Variants in RIMS2 observed in about 807,000 individuals in gnomAD.
RIMS2 encodes regulating synaptic membrane exocytosis protein 2.
A neutral mutation model predicts 174.4 loss-of-function variants in RIMS2; 59 were observed. The observed-to-expected ratio is 0.34, with a 90% CI of 0.27 to 0.42. The LOEUF is 0.42. Among genes scored for constraint, RIMS2 ranks in the 10% least tolerant of loss-of-function variants. RIMS2 has a pLI of 1.00. For missense variants in RIMS2, 1,620 were observed against 1,666.3 expected, an observed-to-expected ratio of 0.97 and a Z score of 0.48; for synonymous variants, 606 against 572.5, an observed-to-expected ratio of 1.06 and a Z score of -0.84.
chr8:103,849,652 G>A (rs950341690), intron 3 of RIMS2, among the ~76,000 whole-genome samples: 3 of 152,016 alleles, frequency 2.0e-5, no homozygotes, highest in Non-Finnish European at 4.4e-5. Context: ...CTTTCCAGTG[G>A]AGGTGACTTC....
chr8:103,856,285 C>T (rs1447874313), intron 3 of RIMS2, among the ~76,000 whole-genome samples: 3 of 152,046 alleles, frequency 2.0e-5, no homozygotes, highest in Admixed American at 6.6e-5. Context: ...ATTTACTTTG[C>T]GCCTGTGGGT....
In RIMS2 at chr8:104,025,737, A is replaced by G. The variant is rs1184413047; in HGVS notation, c.3334+11122A>G. Among the ~76,000 whole-genome samples the G allele has an allele frequency of 4.6e-5, 7 of 151,918 alleles. No individual in the cohort carries two copies. The South Asian group carries it at 1.3e-3, about 27-fold the overall frequency. ...CACACACACACACACACACACAGTA[A>G]TGTACCACATAATGCTGTTTTGGTC... On this transcript the variant is annotated intron_variant, in intron 19 of 23. Transcript: ENST00000504942.
rs980030779 is a variant in RIMS2 at position 103,983,998 on chromosome 8, C to A, written c.2928-5307C>A. Among the ~76,000 whole-genome samples the A allele has an allele frequency of 3.3e-5, 5 of 152,066 alleles. No individual in the cohort carries two copies. The East Asian group carries it at 9.7e-4, about 29-fold the overall frequency. ...ACCATCCTGGCTAACACGGTGAAACCCCGTCTCTACTAAAAATACAAAAAA... is the reference window on the plus strand; with the variant it reads ...ACCATCCTGGCTAACACGGTGAAACACCGTCTCTACTAAAAATACAAAAAA... On this transcript the variant is annotated intron_variant, in intron 16 of 23. Coordinates refer to ENST00000504942, the Ensembl canonical transcript of RIMS2.
At chr8:103,583,018 C>T (rs549661479) in intron 1 of RIMS2, among the ~76,000 whole-genome samples, 8 of 152,290 alleles carry the variant, frequency 5.3e-5, no homozygotes, top group South Asian at 2.1e-4. Flanking sequence ...TCTGACCCAG[C>T]GCAGTCATAG....
intron 1 of RIMS2, among the ~76,000 whole-genome samples, chr8:103,554,662 G>A (rs571259109): frequency 6.6e-6 from 1 of 152,194 alleles, no homozygotes; most frequent in Admixed American, 6.5e-5. Flanking sequence ...AGTATAATTC[G>A]ACCCAGCAAT....
chr8:103,636,809 CA>C (rs2135413176), intron 1 of RIMS2, among the ~76,000 whole-genome samples: 1 of 126,986 alleles, frequency 7.9e-6, no homozygotes, highest in Non-Finnish European at 1.6e-5. Flanking sequence ...CCCACACACA[CA>C]CACATACCAA....
chr8:103,955,950 A>T (rs1326392702), intron 14 of RIMS2, among the ~76,000 whole-genome samples: 1 of 152,186 alleles, frequency 6.6e-6, no homozygotes, highest in Non-Finnish European at 1.5e-5. Flanking sequence ...ATTCCTATAC[A>T]CTAATAACAG....
At chr8:104,060,819 A>C (rs1039608683) in intron 19 of RIMS2, among the ~76,000 whole-genome samples, 42 of 151,990 alleles carry the variant, frequency 2.8e-4, no homozygotes, top group African/African-American at 5.6e-4. Context: ...GCCTTCATTT[A>C]GTTATGTACC....
chr8:104,164,198 T>G (rs901317965), intron 19 of RIMS2, among the ~76,000 whole-genome samples: 6 of 81,916 alleles, frequency 7.3e-5, no homozygotes, highest in Non-Finnish European at 1.5e-4. Context: ...CTTTCCTGTG[T>G]GAAAGGAAAG....
chr8:104,041,435 C>A (rs1229039470), intron 19 of RIMS2, 77 bp downstream of exon 22: 3 of 627,632 alleles, frequency 4.8e-6, no homozygotes, highest in East Asian at 5.5e-5. Flanking sequence ...TTTTTTTACT[C>A]ATTTCATAGT....
intron 19 of RIMS2, among the ~76,000 whole-genome samples, chr8:104,147,198 C>T (rs1313459658): frequency 2.0e-5 from 3 of 152,032 alleles, no homozygotes; most frequent in Admixed American, 1.3e-4. Context: ...CTCTTCTCTT[C>T]TCTTCTTTTC....
chr8:103,810,807 A>G (rs1592921047), intron 3 of RIMS2, among the ~76,000 whole-genome samples: 2 of 152,148 alleles, frequency 1.3e-5, no homozygotes, highest in Non-Finnish European at 2.9e-5. Context: ...GCCTTTTTTC[A>G]TAGTGTAATG....
intron 15 of RIMS2, among the ~76,000 whole-genome samples, chr8:103,970,380 C>G (rs2092726045): frequency 6.6e-6 from 1 of 152,112 alleles, no homozygotes; most frequent in African/African-American, 2.4e-5. Context: ...AATTAGTTTC[C>G]CCTGAGGGAA....
intron 19 of RIMS2, among the ~76,000 whole-genome samples, chr8:104,023,255 T>C (rs1184676979): frequency 6.6e-6 from 1 of 151,828 alleles, no homozygotes; most frequent in Non-Finnish European, 1.5e-5. Context: ...TCACATAAAA[T>C]GGGAAAGTTT....
At chr8:103,633,445 G>A (rs753580246) in intron 1 of RIMS2, among the ~76,000 whole-genome samples, 6 of 152,134 alleles carry the variant, frequency 3.9e-5, no homozygotes, top group Non-Finnish European at 8.8e-5. Flanking sequence ...CAGTTTGCAA[G>A]TATTTTGCTG....
At chr8:104,148,169 C>CTT (rs60928884) in intron 19 of RIMS2, among the ~76,000 whole-genome samples, 2,557 of 116,300 alleles carry the variant, frequency 0.022, 45 homozygotes, top group Middle Eastern at 0.11. Flanking sequence ...TATTATCAGC[C>CTT]TTTTTTTTTT....
chr8:104,135,994 G>T (rs757745477), intron 19 of RIMS2, among the ~76,000 whole-genome samples: 1 of 152,168 alleles, frequency 6.6e-6, no homozygotes, highest in Non-Finnish European at 1.5e-5. Flanking sequence ...GGAAACTGAG[G>T]CACAAAGACT....
intron 1 of RIMS2, among the ~76,000 whole-genome samples, chr8:103,556,903 A>T (rs1434357049): frequency 6.6e-6 from 1 of 152,162 alleles, no homozygotes. Context: ...TTTTATCTAT[A>T]TTAGCTTCTA....
intron 19 of RIMS2, among the ~76,000 whole-genome samples, chr8:104,053,673 T>TTTA (rs1341434168): frequency 2.0e-5 from 3 of 152,326 alleles, no homozygotes; most frequent in East Asian, 3.9e-4. Context: ...CGGTACTATT[T>TTTA]TTATTTCTAG....
Sources: allele counts gnomAD v4.1 joint callset (sites outside exome capture counted in the v4.1 genomes callset), GRCh38; gene constraint gnomAD v4.1.1; transcripts MANE v1.5; gene names NCBI Gene and HGNC (gene_info 2026-07-23, HGNC 2026-07-21).